SYNE2: variants seen among roughly 807,000 people sequenced by gnomAD.
SYNE2 encodes the protein spectrin repeat containing nuclear envelope protein 2.
Under a neutral mutation model 856.3 loss-of-function variants are expected in SYNE2, and 431 were observed. The observed-to-expected ratio is 0.50, with a 90% confidence interval of 0.47 to 0.55. SYNE2 has a LOEUF of 0.55. Ranked by LOEUF, SYNE2 falls within the 20% of genes least tolerant of loss-of-function variation. The probability of loss-of-function intolerance (pLI) is 0.00; values close to 1 mark genes in which losing one functional copy is unlikely to be tolerated. For missense variants in SYNE2, 8,129 were observed against 8,023.2 expected, an observed-to-expected ratio of 1.01 and a Z score of -0.50; for synonymous variants, 2,923 against 2,872.3, an observed-to-expected ratio of 1.02 and a Z score of -0.56.
At chr14:64,168,322 C>T (rs971715535) in intron 92 of SYNE2, among the ~76,000 whole-genome samples, 1 of 152,138 alleles carries the variant, frequency 6.6e-6, no homozygotes, top group Non-Finnish European at 1.5e-5. Flanking sequence ...AGGCTGGTCT[C>T]GAACTTCTGA....
In SYNE2 at chr14:64,002,804, C is replaced by T. The variant is rs775543014; in HGVS notation, c.3871C>T (p.Pro1291Ser). 1 of 1,613,986 alleles carries T rather than the reference C, an allele frequency of 6.2e-7. No homozygotes were observed. The highest frequency in any genetic ancestry group is 1.1e-5 in the South Asian group (1 of 91,056). ...CAACTTTGTATTAAAGGAGTTACAC[C>T]CATTTGATCTACACGCAATGCAGAA... ...PGNFVLKELH[P>S]FDLHAMQNII... The change falls in exon 30 of 116, where the codon CCA becomes TCA. Residue 1291 changes from proline (P) to serine (S), a missense_variant. By Grantham distance (74) the Pro-to-Ser change is moderately conservative. Coordinates refer to ENST00000555002, the MANE Select transcript of SYNE2 (RefSeq NM_182914.3).
chr14:64,025,418 C>T lies in SYNE2; in HGVS notation c.6249C>T (p.Ile2083=), dbSNP rs759255150. The T allele has an allele frequency of 6.2e-7, 1 of 1,611,250 alleles. No individual in the cohort carries two copies. The highest frequency in any genetic ancestry group is 2.2e-5 in the East Asian group (1 of 44,828). Reference sequence around the variant, plus strand: ...CACTTGAGGAAAGAATCCAAAAAATCAAGGTATAACTATGGAAACTAAATT... The same window carrying T: ...CACTTGAGGAAAGAATCCAAAAAATTAAGGTATAACTATGGAAACTAAATT... The part of the protein sequence containing the change: ...KMPLEERIQK[I]KEIILLKPEG... Residue 2083 remains isoleucine, a synonymous_variant, in exon 41 of 116, where the codon ATC becomes ATT. Coordinates refer to ENST00000555002, the MANE Select transcript of SYNE2 (RefSeq NM_182914.3).
chr14:63,803,146 G>A (rs1036531296), intron 1 of SYNE2, among the ~76,000 whole-genome samples: 3 of 152,132 alleles, frequency 2.0e-5, no homozygotes, highest in Non-Finnish European at 2.9e-5. Flanking sequence ...CAATCCCTGC[G>A]CTAGATACTA....
chr14:63,880,344 G>T (rs976735427), intron 1 of SYNE2, among the ~76,000 whole-genome samples: 1 of 152,066 alleles, frequency 6.6e-6, no homozygotes, highest in Non-Finnish European at 1.5e-5. Context: ...CACTCACCTC[G>T]GCCTCCCAAA....
At chr14:63,789,790 A>T (rs1887667632) in intron 1 of SYNE2, among the ~76,000 whole-genome samples, 2 of 151,998 alleles carry the variant, frequency 1.3e-5, no homozygotes, top group Admixed American at 6.6e-5. Flanking sequence ...AAAAAAAAGA[A>T]GAAGAAGTAG....
At chr14:63,889,240 T>C (rs572802489) in intron 1 of SYNE2, among the ~76,000 whole-genome samples, 70 of 151,934 alleles carry the variant, frequency 4.6e-4, no homozygotes, top group African/African-American at 1.5e-3. Flanking sequence ...AAATACAATG[T>C]ATATTCCATT....
Position 64,024,408 on chromosome 14 carries a change from T to C in SYNE2, c.5789T>C (p.Ile1930Thr), listed in dbSNP as rs1342043849. 3 of 1,613,972 alleles carry C rather than the reference T, an allele frequency of 1.9e-6. No individual in the cohort carries two copies. The highest frequency in any genetic ancestry group is 4.5e-5 in the East Asian group (2 of 44,892). The change falls in exon 39 of 116, where the codon ATA (isoleucine) becomes ACA (threonine). Residue 1930 changes from isoleucine (I) to threonine (T), a missense_variant. Ile to Thr is a moderately conservative substitution (Grantham distance 89, BLOSUM62 -1). Around this residue, in one of 3 missense-constraint regions of SYNE2, gnomAD observed 2,422 missense variants for 2,357.4 expected, o/e 1.03. Coordinates refer to ENST00000555002, the MANE Select transcript of SYNE2 (RefSeq NM_182914.3). ...TTCGAATTAGAAAAAATGGAGTCCA[T>C]ATGCCAGGCTCGAGCAAAGGAGCTT... ...QEFELEKMES[I>T]CQARAKELED...
At chr14:63,949,027 G>T (rs2096104358) in intron 6 of SYNE2, among the ~76,000 whole-genome samples, 1 of 151,698 alleles carries the variant, frequency 6.6e-6, no homozygotes, top group South Asian at 2.1e-4. Context: ...CCAGATCAGT[G>T]CTAATCAGAT....
intron 83 of SYNE2, among the ~76,000 whole-genome samples, chr14:64,145,583 A>G (rs925956324): frequency 6.6e-6 from 1 of 152,040 alleles, no homozygotes; most frequent in Non-Finnish European, 1.5e-5. Flanking sequence ...AAATGTGTGT[A>G]TATTATGATT....
chr14:64,040,278 G>A (rs902094705), intron 45 of SYNE2, among the ~76,000 whole-genome samples: 4 of 152,102 alleles, frequency 2.6e-5, no homozygotes, highest in African/African-American at 7.2e-5. Flanking sequence ...AATACCCTAA[G>A]AAAGTGAGAT....
rs757983393 is a variant in SYNE2 at position 64,010,056 on chromosome 14, T to C, written c.4668T>C (p.Ser1556=). Residue 1556 remains serine, a synonymous_variant, in exon 32 of 116, where the codon AGT becomes AGC. Transcript: ENST00000555002. ...CAACTTTGATTCAAAAAGAAGAGAG[T>C]GTCATCTCCCTGCAGGCTTCGTACA... The part of the protein sequence containing the change: ...ILTTLIQKEE[S]VISLQASYMG... 1.2e-6 allele frequency: 2 copies of C among 1,613,912 alleles called. No homozygotes were observed. The highest frequency in any genetic ancestry group is 1.7e-6 in the Non-Finnish European group (2 of 1,179,946).
intron 7 of SYNE2, among the ~76,000 whole-genome samples, chr14:63,951,184 A>G (rs1392689195): frequency 6.6e-6 from 1 of 152,166 alleles, no homozygotes; most frequent in Admixed American, 6.5e-5. Context: ...ACATCATAGC[A>G]TTGTTAGGTA....
intron 67 of SYNE2, 93 bp from the exon 68 acceptor site, chr14:64,120,833 TA>T: frequency 7.6e-7 from 1 of 1,308,122 alleles, no homozygotes; most frequent in Non-Finnish European, 1.1e-6. Flanking sequence ...TTATTTCATG[TA>T]AAATTTTTCT....
intron 115 of SYNE2, 130 bp downstream of exon 115, chr14:64,225,175 C>T: frequency 6.5e-7 from 1 of 1,548,652 alleles, no homozygotes. Flanking sequence ...GGCTGGTTTT[C>T]TCCTCTGAAA....
chr14:63,792,670 TTTGTTTG>T (rs1292092157), intron 1 of SYNE2, among the ~76,000 whole-genome samples: 4 of 150,058 alleles, frequency 2.7e-5, no homozygotes, highest in East Asian at 2.0e-4. Context: ...TGTTTGTTTG[TTTGTTTG>T]TTTTTTAGAG....
In SYNE2 at chr14:64,051,741, G is replaced by T. The variant is rs1304602878; in HGVS notation, c.7828G>T (p.Val2610Leu). 1 of 1,614,262 alleles carries T rather than the reference G, an allele frequency of 6.2e-7. No individual in the cohort carries two copies. The highest frequency in any genetic ancestry group is 8.5e-7 in the Non-Finnish European group (1 of 1,180,042). The change falls in exon 48 of 116, where the codon GTG becomes TTG. Residue 2610 changes from valine to leucine, a missense_variant. Coordinates refer to ENST00000555002, the MANE Select transcript of SYNE2 (RefSeq NM_182914.3). ...IKQLEHGWEQ[V>L]EQQIQKKYSQ... ...GCAACTTGAACATGGTTGGGAACAA[G>T]TGGAACAGCAGATTCAAAAGAAGTA...
intron 6 of SYNE2, among the ~76,000 whole-genome samples, chr14:63,944,855 T>TCTCGC: frequency 9.7e-6 from 1 of 102,722 alleles, no homozygotes; most frequent in African/African-American, 3.8e-5. Flanking sequence ...TTTTTGAAAC[T>TCTCGC]TCTGTATTGC....
intron 1 of SYNE2, among the ~76,000 whole-genome samples, chr14:63,777,181 A>C (rs534115019): frequency 7.9e-5 from 12 of 152,338 alleles, no homozygotes; most frequent in Admixed American, 3.3e-4. Flanking sequence ...TTTAATGAGT[A>C]AGATGACTCA....
At chr14:63,854,570 G>A (rs186385835) in intron 1 of SYNE2, among the ~76,000 whole-genome samples, 2 of 152,156 alleles carry the variant, frequency 1.3e-5, no homozygotes, top group African/African-American at 4.8e-5. Context: ...AAGTTTTTTC[G>A]TGGTGAAGAA....
Sources: allele counts gnomAD v4.1 joint callset (sites outside exome capture counted in the v4.1 genomes callset), GRCh38; gene constraint gnomAD v4.1.1; regional missense constraint gnomAD v4.1.1; transcripts MANE v1.5; gene names NCBI Gene and HGNC (gene_info 2026-07-23, HGNC 2026-07-21).